The following CDK6 variants were observed in gnomAD, a reference collection of about 807,000 sequenced individuals.
CDK6 encodes cyclin dependent kinase 6.
A neutral mutation model predicts 37.1 loss-of-function variants in CDK6; 6 were observed. The ratio of observed to expected loss-of-function variants is 0.16; its 90% CI spans 0.09 to 0.32. The LOEUF is 0.32. CDK6 is among the 10% of genes least tolerant of loss of function. The probability of loss-of-function intolerance (pLI) is 1.00; values close to 1 mark genes in which losing one functional copy is unlikely to be tolerated. For missense variants in CDK6, 224 were observed against 418.9 expected, an observed-to-expected ratio of 0.53 and a Z score of 4.06; for synonymous variants, 160 against 161.3, an observed-to-expected ratio of 0.99 and a Z score of 0.06.
At chr7:92,816,577 A>C (rs979809717) in intron 2 of CDK6, among the ~76,000 whole-genome samples, 1 of 152,106 alleles carries the variant, frequency 6.6e-6, no homozygotes, top group African/African-American at 2.4e-5. Flanking sequence ...GCTTAAAATA[A>C]CCCAAATTGA....
intron 4 of CDK6, among the ~76,000 whole-genome samples, chr7:92,718,465 G>C (rs568142677): frequency 6.6e-6 from 1 of 152,174 alleles, no homozygotes; most frequent in African/African-American, 2.4e-5. Context: ...CAACACGCAC[G>C]AAGAGGAAAC....
chr7:92,821,828 G>A (rs555263264), intron 2 of CDK6, among the ~76,000 whole-genome samples: 9 of 152,124 alleles, frequency 5.9e-5, no homozygotes, highest in South Asian at 2.1e-4. Flanking sequence ...AGAGGAGGAA[G>A]GTGCTTGGAA....
At chr7:92,638,116 T>C (rs1796215619) in intron 5 of CDK6, among the ~76,000 whole-genome samples, 1 of 152,260 alleles carries the variant, frequency 6.6e-6, no homozygotes, top group Non-Finnish European at 1.5e-5. Flanking sequence ...ACTGTGGTTT[T>C]GCATGCTAAA....
intron 6 of CDK6, among the ~76,000 whole-genome samples, chr7:92,621,391 C>T (rs75527433): frequency 3.9e-5 from 6 of 152,302 alleles, no homozygotes; most frequent in Admixed American, 6.5e-5. Flanking sequence ...TCAAACATGC[C>T]GGTCAAATGT....
chr7:92,607,588 T>A lies in CDK6; in HGVS notation c.*7552A>T, dbSNP rs929681504. The stretch of plus-strand genomic sequence containing the variant: ...TTTCTTAGGTCCATCAATACCATGA[T>A]AATGAACATTAGATGCAAAATCCTA... On this transcript the variant is annotated 3_prime_UTR_variant, in exon 8 of 8. Coordinates refer to ENST00000424848, the MANE Select transcript of CDK6 (RefSeq NM_001145306.2). The A allele has an allele frequency of 2.3e-4, 54 of 232,854 alleles. No individual in the cohort carries two copies. In the East Asian group the frequency reaches 3.3e-3, roughly 14 times the overall value. 14.4% of individuals were successfully genotyped at this position (232,854 alleles called of 1,614,324 possible). A position where few individuals can be genotyped will look rare whatever the true frequency, so the allele number is the denominator to read the frequency against.
rs935587468 is a variant in CDK6 at position 92,606,547 on chromosome 7, G to C, written c.*8593C>G. On this transcript the variant is annotated 3_prime_UTR_variant, in exon 8 of 8. Transcript: ENST00000424848. ...TGGTCATCTTGGGCTGGTTCACACAGCCTAGATGAGTATCTGATATACACA... is the reference window on the plus strand; with the variant it reads ...TGGTCATCTTGGGCTGGTTCACACACCCTAGATGAGTATCTGATATACACA... 4.3e-6 allele frequency: 1 copy of C among 233,120 alleles called. No individual in the cohort carries two copies. The highest frequency in any genetic ancestry group is 8.5e-6 in the Non-Finnish European group (1 of 118,030). The allele number at this position is 233,120 out of a possible 1,614,324, so 14.4% of individuals were successfully genotyped here. A position where few individuals can be genotyped will look rare whatever the true frequency, so the allele number is the denominator to read the frequency against.
chr7:92,664,161 A>G (rs888435417), intron 5 of CDK6, among the ~76,000 whole-genome samples: 1 of 152,198 alleles, frequency 6.6e-6, no homozygotes, highest in Non-Finnish European at 1.5e-5. Flanking sequence ...AATAAAAAAA[A>G]AGAGATCTTC....
chr7:92,610,287 A>G lies in CDK6; in HGVS notation c.*4853T>C. ...TGGCTCTTGTTTTCTTCCTAAGGCT[A>G]GACAAGGTAACAATATGTTGAAGGA... On this transcript the variant is annotated 3_prime_UTR_variant, in exon 8 of 8. Coordinates refer to ENST00000424848, the MANE Select transcript of CDK6 (RefSeq NM_001145306.2). 4.3e-6 allele frequency: 1 copy of G among 232,338 alleles called. No homozygotes were observed. Among genetic ancestry groups the G allele is most frequent in the Non-Finnish European group, 8.5e-6 (1 of 117,512 alleles). 14.4% of individuals were successfully genotyped at this position (232,338 alleles called of 1,614,324 possible). A position where few individuals can be genotyped will look rare whatever the true frequency, so the allele number is the denominator to read the frequency against.
chr7:92,800,339 C>T (rs1048654622), intron 2 of CDK6, among the ~76,000 whole-genome samples: 7 of 152,284 alleles, frequency 4.6e-5, no homozygotes, highest in African/African-American at 7.2e-5. Flanking sequence ...GTCTGCCATA[C>T]GTGATGTCAT....
chr7:92,742,344 G>A (rs1190722903), intron 3 of CDK6, among the ~76,000 whole-genome samples: 3 of 152,140 alleles, frequency 2.0e-5, no homozygotes, highest in Admixed American at 6.6e-5. Context: ...TCAGCACACA[G>A]CACCTTTCAA....
At chr7:92,781,478 T>C (rs1002598108) in intron 2 of CDK6, among the ~76,000 whole-genome samples, 4 of 152,396 alleles carry the variant, frequency 2.6e-5, no homozygotes, top group Admixed American at 6.5e-5. Context: ...GCAAGTTGCC[T>C]TCATCTAATG....
rs1412016236 is a variant in CDK6, at chr7:92,610,224, C to T, written c.*4916G>A. On this transcript the variant is annotated 3_prime_UTR_variant, in exon 8 of 8. Coordinates refer to ENST00000424848, the MANE Select transcript of CDK6 (RefSeq NM_001145306.2). Reference sequence around the variant, plus strand: ...ACTTCAAATTGCTGTAACAGTATTTCAGCAGATGCTCGAAAAGAGCCTGTA... The same window carrying T: ...ACTTCAAATTGCTGTAACAGTATTTTAGCAGATGCTCGAAAAGAGCCTGTA... 4.3e-6 allele frequency: 1 copy of T among 232,204 alleles called. No individual in the cohort carries two copies. Among genetic ancestry groups the T allele is most frequent in the Non-Finnish European group, 8.5e-6 (1 of 117,490 alleles). The allele number at this position is 232,204 out of a possible 1,614,324, so 14.4% of individuals were successfully genotyped here. A position where few individuals can be genotyped will look rare whatever the true frequency, so the allele number is the denominator to read the frequency against.
At position 92,786,736 on chromosome 7, in the gene CDK6, G is replaced by GTA. The variant is rs201002161; in HGVS notation, c.234-11907_234-11906dup. On this transcript the variant is annotated intron_variant, in intron 2 of 7. Coordinates refer to ENST00000424848, the MANE Select transcript of CDK6 (RefSeq NM_001145306.2). ...ATTATATATGATATATAATGTATAT[G>GTA]TATATATATATAATGTGGCTCTTAA... is the stretch of plus-strand genomic sequence containing the variant. Among the ~76,000 whole-genome samples, 1,155 of 148,730 alleles carry GTA rather than the reference G, an allele frequency of 7.8e-3. 17 individuals are homozygous for GTA. The highest frequency in any genetic ancestry group is 0.027 in the African/African-American group (1,096 of 40,614).
At chr7:92,802,883 T>C (rs1800618681) in intron 2 of CDK6, among the ~76,000 whole-genome samples, 1 of 152,140 alleles carries the variant, frequency 6.6e-6, no homozygotes. Flanking sequence ...TAAATACTAA[T>C]CATATCCCTC....
chr7:92,799,489 T>G (rs1296462230), intron 2 of CDK6, among the ~76,000 whole-genome samples: 2 of 150,662 alleles, frequency 1.3e-5, no homozygotes, highest in Non-Finnish European at 2.9e-5. Context: ...GTCTCAAGTT[T>G]CCATAGTCTT....
At chr7:92,702,485 G>A (rs762574784) in intron 4 of CDK6, among the ~76,000 whole-genome samples, 80 of 151,822 alleles carry the variant, frequency 5.3e-4, no homozygotes, top group Middle Eastern at 3.4e-3. Flanking sequence ...CACCTGCCTC[G>A]GCCCCCTAAT....
At chr7:92,661,933 G>C (rs1796848593) in intron 5 of CDK6, among the ~76,000 whole-genome samples, 1 of 152,192 alleles carries the variant, frequency 6.6e-6, no homozygotes, top group Non-Finnish European at 1.5e-5. Context: ...ATGAGCAAGT[G>C]AAGAAGAAGT....
intron 3 of CDK6, among the ~76,000 whole-genome samples, chr7:92,750,896 A>C (rs1014672940): frequency 1.3e-5 from 2 of 152,236 alleles, no homozygotes; most frequent in Non-Finnish European, 2.9e-5. Flanking sequence ...AGTTTTCAAC[A>C]GCTAATAAGC....
chr7:92,627,688 A>C (rs1359700702), intron 5 of CDK6, among the ~76,000 whole-genome samples: 1 of 152,064 alleles, frequency 6.6e-6, no homozygotes, highest in Admixed American at 6.6e-5. Context: ...TGGGGAGATA[A>C]AAATGTTCTA....
Sources: gnomAD v4.1 joint callset for allele counts (sites outside exome capture counted in the v4.1 genomes callset) on GRCh38, gnomAD v4.1.1 for gene constraint, MANE v1.5 for transcripts, NCBI Gene and HGNC (gene_info 2026-07-23, HGNC 2026-07-21) for gene names.